CPA6: variants seen among roughly 807,000 people sequenced by gnomAD.
CPA6 encodes the protein carboxypeptidase A6.
Under a neutral mutation model 63.3 loss-of-function variants are expected in CPA6, and 58 were observed. That is an observed-to-expected ratio of 0.92 (90% confidence interval 0.74 to 1.14). The LOEUF (loss-of-function observed/expected upper bound fraction) is 1.14. Among genes scored for constraint, CPA6 ranks in the 50% most tolerant of loss-of-function variants. The pLI is 0.00. For missense variants in CPA6, 565 were observed against 526.6 expected (o/e 1.07, Z -0.71); for synonymous variants, 185 against 179.0 (o/e 1.03, Z -0.27).
chr8:67,681,951 G>C (rs1816608138), intron 1 of CPA6, among the ~76,000 whole-genome samples: 1 of 151,502 alleles, frequency 6.6e-6, no homozygotes, highest in Admixed American at 6.6e-5. Context: ...AATGGTTTCT[G>C]GTATTTTAAC....
At chr8:67,703,526 T>C (rs1166953906) in intron 1 of CPA6, among the ~76,000 whole-genome samples, 1 of 152,266 alleles carries the variant, frequency 6.6e-6, no homozygotes, top group African/African-American at 2.4e-5. Context: ...CCAGATCGTC[T>C]GCCTTGGGGG....
rs183239906 is a variant in CPA6 at position 67,432,037 on chromosome 8, T to G, written c.1041+2001A>C. Among the ~76,000 whole-genome samples, 237 of 152,330 alleles carry G rather than the reference T, an allele frequency of 1.6e-3. 1 individual carries two copies. The highest frequency in any genetic ancestry group is 2.4e-3 in the Non-Finnish European group (160 of 68,028). On this transcript the variant is annotated intron_variant, in intron 9 of 10. Coordinates refer to ENST00000297770, the MANE Select transcript of CPA6 (RefSeq NM_020361.5). ...AAATACTTGGTCCTTGTCCTGGTTCTTGGCACACAGTTTCTAAAAACTCCT... is the reference window on the plus strand; with the variant it reads ...AAATACTTGGTCCTTGTCCTGGTTCGTGGCACACAGTTTCTAAAAACTCCT...
chr8:67,548,966 T>C (rs1410717522), intron 2 of CPA6, among the ~76,000 whole-genome samples: 2 of 152,238 alleles, frequency 1.3e-5, no homozygotes, highest in African/African-American at 4.8e-5. Flanking sequence ...AAGGACACAG[T>C]GCCTTGTGAG....
intron 6 of CPA6, among the ~76,000 whole-genome samples, chr8:67,497,668 C>T (rs1811748329): frequency 6.6e-6 from 1 of 151,966 alleles, no homozygotes; most frequent in South Asian, 2.1e-4. Context: ...CTGTTTTCAA[C>T]CCTATTTTAA....
intron 6 of CPA6, among the ~76,000 whole-genome samples, chr8:67,490,407 G>T (rs1295912639): frequency 6.6e-6 from 1 of 152,144 alleles, no homozygotes; most frequent in Admixed American, 6.5e-5. Context: ...TGTTGCTTAT[G>T]AGGAAGACTT....
chr8:67,578,207 C>G (rs981714629), intron 2 of CPA6, among the ~76,000 whole-genome samples: 2 of 152,180 alleles, frequency 1.3e-5, no homozygotes, highest in East Asian at 3.8e-4. Context: ...TGGGATTAAG[C>G]TGATGGCGGG....
intron 2 of CPA6, among the ~76,000 whole-genome samples, chr8:67,552,904 ATTT>A (rs1285534027): frequency 2.0e-5 from 3 of 151,948 alleles, no homozygotes; most frequent in African/African-American, 7.2e-5. Flanking sequence ...GTACAGTTGC[ATTT>A]TTGTTTGAAT....
intron 3 of CPA6, among the ~76,000 whole-genome samples, chr8:67,516,778 T>A (rs1460384765): frequency 6.6e-6 from 1 of 152,146 alleles, no homozygotes; most frequent in African/African-American, 2.4e-5. Context: ...CTCCTCTGAC[T>A]GTCTTCCACT....
intron 1 of CPA6, among the ~76,000 whole-genome samples, chr8:67,675,448 C>A (rs1408315034): frequency 1.3e-5 from 2 of 152,124 alleles, no homozygotes; most frequent in African/African-American, 4.8e-5. Context: ...AATTTATGTC[C>A]TAGCTGAATT....
chr8:67,718,899 C>G lies in CPA6; in HGVS notation c.116+27115G>C, dbSNP rs546871517. ...TGACCTTGTGATCTGCCCACCTCGG[C>G]CTCCTGAAGTGCTGGGATTACAGGC... On this transcript the variant is annotated intron_variant, in intron 1 of 10. Transcript: ENST00000297770. Among the ~76,000 whole-genome samples, 3 of 152,244 alleles carry G rather than the reference C, an allele frequency of 2.0e-5. No homozygotes were observed. The South Asian group carries it at 6.2e-4, about 32-fold the overall frequency.
At chr8:67,693,017 A>G (rs1331939746) in intron 1 of CPA6, among the ~76,000 whole-genome samples, 1 of 152,210 alleles carries the variant, frequency 6.6e-6, no homozygotes, top group Non-Finnish European at 1.5e-5. Flanking sequence ...AATTCCAACG[A>G]TGACTCAGAA....
intron 8 of CPA6, among the ~76,000 whole-genome samples, chr8:67,445,103 G>A (rs1810382514): frequency 6.6e-6 from 1 of 152,200 alleles, no homozygotes; most frequent in Non-Finnish European, 1.5e-5. Flanking sequence ...GGAATGAATG[G>A]GAAGAAAGGA....
chr8:67,517,381 C>T (rs78984276), intron 3 of CPA6, among the ~76,000 whole-genome samples: 4,899 of 152,280 alleles, frequency 0.032, 251 homozygotes, highest in African/African-American at 0.11. Context: ...CTAACATGTG[C>T]CTCCTTTGCA....
intron 2 of CPA6, among the ~76,000 whole-genome samples, chr8:67,535,590 A>G (rs144391439): frequency 2.9e-3 from 446 of 152,206 alleles, no homozygotes; most frequent in African/African-American, 0.01. Context: ...AGTTCTTTGT[A>G]GATTCTGGAT....
chr8:67,736,725 T>C (rs558800288), intron 1 of CPA6, among the ~76,000 whole-genome samples: 35 of 152,330 alleles, frequency 2.3e-4, no homozygotes, highest in African/African-American at 8.4e-4. Flanking sequence ...CTGGAATCTA[T>C]TTCATAGCCT....
At chr8:67,588,441 A>T (rs374265694) in intron 2 of CPA6, among the ~76,000 whole-genome samples, 2 of 151,918 alleles carry the variant, frequency 1.3e-5, no homozygotes, top group East Asian at 3.9e-4. Flanking sequence ...TTGCATTTTG[A>T]TTATTTTTGG....
intron 8 of CPA6, among the ~76,000 whole-genome samples, chr8:67,448,656 G>GAAAAAAA (rs1810485855): frequency 2.9e-5 from 2 of 68,802 alleles, no homozygotes; most frequent in African/African-American, 1.8e-4. Flanking sequence ...AAAAAAAAAG[G>GAAAAAAA]AAAGAACGAA....
chr8:67,606,805 C>G (rs897814394), intron 2 of CPA6, among the ~76,000 whole-genome samples: 5 of 152,316 alleles, frequency 3.3e-5, no homozygotes, highest in Non-Finnish European at 5.9e-5. Flanking sequence ...TTCTTCCTGG[C>G]CACATCTAAA....
chr8:67,591,204 G>A (rs914382434), intron 2 of CPA6, among the ~76,000 whole-genome samples: 19 of 152,070 alleles, frequency 1.2e-4, no homozygotes, highest in African/African-American at 3.9e-4. Context: ...GTAGATATGC[G>A]GCATTATTTC....
Sources: allele counts gnomAD v4.1 joint callset (sites outside exome capture counted in the v4.1 genomes callset), GRCh38; gene constraint gnomAD v4.1.1; transcripts MANE v1.5; gene names NCBI Gene and HGNC (gene_info 2026-07-23, HGNC 2026-07-21).